TTC6: variants seen among roughly 807,000 people sequenced by gnomAD.
The protein encoded by TTC6 is tetratricopeptide repeat domain 6, also known as tetratricopeptide repeat protein 6.
TTC6 carries 172 observed loss-of-function variants against 210.4 expected under a neutral mutation model. The ratio of observed to expected loss-of-function variants is 0.82; its 90% CI spans 0.72 to 0.93. TTC6 has a LOEUF of 0.93. Among genes scored for constraint, TTC6 ranks in the 40% least tolerant of loss-of-function variants. The pLI is 0.00. For synonymous variants in TTC6, 804 were observed against 819.6 expected (o/e 0.98, Z 0.32); for missense variants, 2,414 against 2,318.1 (o/e 1.04, Z -0.85).
At chr14:37,606,258 G>A (rs2095624930) in intron 1 of TTC6, among the ~76,000 whole-genome samples, 1 of 152,068 alleles carries the variant, frequency 6.6e-6, no homozygotes, top group African/African-American at 2.4e-5. Context: ...GGACTCTGGG[G>A]GTTATTCTCT....
chr14:37,782,502 G>A (rs1450073546), intron 14 of TTC6, among the ~76,000 whole-genome samples: 1 of 152,096 alleles, frequency 6.6e-6, no homozygotes, highest in Non-Finnish European at 1.5e-5. Context: ...TGCTGAAGTT[G>A]CTTATCAGCT....
chr14:37,782,766 G>T (rs1440175027), intron 14 of TTC6, among the ~76,000 whole-genome samples: 6 of 152,142 alleles, frequency 3.9e-5, no homozygotes, highest in African/African-American at 1.2e-4. Context: ...CTGTGGGTTT[G>T]TCATAAATGG....
chr14:37,841,750 A>C (rs2096210720), intron 30 of TTC6, 80 bp downstream of exon 32: 1 of 1,097,170 alleles, frequency 9.1e-7, no homozygotes, highest in Admixed American at 2.8e-5. Context: ...GAAAATCATT[A>C]GGTCTATTTA....
At chr14:37,767,151 A>G (rs2096002050) in intron 14 of TTC6, among the ~76,000 whole-genome samples, 1 of 152,196 alleles carries the variant, frequency 6.6e-6, no homozygotes, top group African/African-American at 2.4e-5. Flanking sequence ...ATGGCTGCAT[A>G]GTATTCCATG....
At chr14:37,834,460 A>G (rs1299615716) in intron 29 of TTC6, among the ~76,000 whole-genome samples, 1 of 152,088 alleles carries the variant, frequency 6.6e-6, no homozygotes, top group African/African-American at 2.4e-5. Context: ...TACTTAGTCT[A>G]TTGTTGAATG....
intron 10 of TTC6, among the ~76,000 whole-genome samples, chr14:37,747,153 A>G (rs891393408): frequency 6.6e-6 from 1 of 152,094 alleles, no homozygotes; most frequent in Non-Finnish European, 1.5e-5. Flanking sequence ...CCCTGCTAAC[A>G]CTGGTGATAT....
exon 1 of TTC6, chr14:37,622,374 G>A (rs1381933550): frequency 6.5e-7 from 1 of 1,531,756 alleles, no homozygotes; most frequent in Non-Finnish European, 8.7e-7. Context: ...CTCGGGCCTG[G>A]GTGAGGCGGC....
At chr14:37,639,405 C>G (rs993186114) in intron 1 of TTC6, among the ~76,000 whole-genome samples, 1 of 152,062 alleles carries the variant, frequency 6.6e-6, no homozygotes, top group Non-Finnish European at 1.5e-5. Context: ...TTTTGTCGTC[C>G]TCATAGATGT....
exon 11 of TTC6, chr14:37,749,319 A>G: frequency 6.6e-7 from 1 of 1,516,290 alleles, no homozygotes; most frequent in Non-Finnish European, 8.8e-7. Flanking sequence ...AAGACAAAAT[A>G]TCCTGCATTT....
intron 25 of TTC6, among the ~76,000 whole-genome samples, chr14:37,814,179 G>C (rs748553675): frequency 5.3e-5 from 8 of 152,120 alleles, no homozygotes; most frequent in Non-Finnish European, 8.8e-5. Flanking sequence ...TATGACTGCT[G>C]CTCACCTCTG....
chr14:37,714,643 A>T lies in TTC6; in HGVS notation c.1572-12A>T. On this transcript the variant is annotated splice_polypyrimidine_tract_variant and intron_variant, in intron 5 of 30. Coordinates refer to ENST00000553443, the Ensembl canonical transcript of TTC6. ...CTTAAAAAGCAAACTTATTGTTCTT[A>T]TCACATTGTAGAATATTGTATGGAA... The T allele has an allele frequency of 2.0e-6, 3 of 1,532,064 alleles. No homozygotes were observed. The highest frequency in any genetic ancestry group is 2.6e-6 in the Non-Finnish European group (3 of 1,144,984). 94.9% of individuals were successfully genotyped at this position (1,532,064 alleles called of 1,614,324 possible).
intron 3 of TTC6, among the ~76,000 whole-genome samples, chr14:37,687,544 T>C (rs949197566): frequency 1.3e-5 from 2 of 152,138 alleles, no homozygotes; most frequent in Non-Finnish European, 1.5e-5. Flanking sequence ...AACCCCAGGC[T>C]GCATAGCTCA....
chr14:37,714,894 C>A, intron 6 of TTC6, 98 bp downstream of exon 8: 1 of 1,194,604 alleles, frequency 8.4e-7, no homozygotes, highest in Non-Finnish European at 1.1e-6. Flanking sequence ...TTATTGAGGG[C>A]TGGCCAGGTG....
At chr14:37,678,389 T>A (rs1237637514) in intron 1 of TTC6, among the ~76,000 whole-genome samples, 3 of 152,162 alleles carry the variant, frequency 2.0e-5, no homozygotes, top group Admixed American at 6.6e-5. Context: ...GTAATTGTTT[T>A]CTTCCCTGGC....
chr14:37,831,535 G>A (rs762113760), intron 29 of TTC6, among the ~76,000 whole-genome samples: 10 of 151,990 alleles, frequency 6.6e-5, no homozygotes, highest in African/African-American at 1.2e-4. Context: ...CATTCTCACC[G>A]TTAGTGTACT....
exon 13 of TTC6, chr14:37,751,168 G>A (rs2139033999): frequency 6.5e-7 from 1 of 1,531,842 alleles, no homozygotes; most frequent in African/African-American, 1.4e-5. Flanking sequence ...TCTATTTCAG[G>A]AGGGGTGAGA....
intron 3 of TTC6, among the ~76,000 whole-genome samples, chr14:37,689,333 A>T (rs1325484791): frequency 6.6e-6 from 1 of 152,174 alleles, no homozygotes; most frequent in Non-Finnish European, 1.5e-5. Context: ...AAATAATCTC[A>T]AAAGGGCAAA....
At chr14:37,677,585 T>C (rs2095772958) in intron 1 of TTC6, among the ~76,000 whole-genome samples, 1 of 152,128 alleles carries the variant, frequency 6.6e-6, no homozygotes, top group South Asian at 2.1e-4. Flanking sequence ...GTCATTGAAC[T>C]TAGGGGGTTT....
intron 5 of TTC6, among the ~76,000 whole-genome samples, chr14:37,713,952 T>C (rs2095848584): frequency 1.3e-5 from 2 of 152,218 alleles, no homozygotes; most frequent in Non-Finnish European, 2.9e-5. Flanking sequence ...ATATTATGTA[T>C]GTGGCACATG....
Sources: gnomAD v4.1 joint callset for allele counts (sites outside exome capture counted in the v4.1 genomes callset) on GRCh38, gnomAD v4.1.1 for gene constraint, MANE v1.5 for transcripts, NCBI Gene and HGNC (gene_info 2026-07-23, HGNC 2026-07-21) for gene names.